DPH6: variants seen among roughly 807,000 people sequenced by gnomAD.
The protein encoded by DPH6 is diphthamine biosynthesis 6.
Under a neutral mutation model 38.2 loss-of-function variants are expected in DPH6, and 33 were observed. That is an observed-to-expected ratio of 0.86 (90% CI 0.65 to 1.15). DPH6 has a LOEUF of 1.15. Ranked by LOEUF, DPH6 falls within the 50% of genes most tolerant of loss-of-function variation. DPH6 has a pLI of 0.00. For missense variants in DPH6, 325 were observed against 320.0 expected (o/e 1.02, Z -0.12); for synonymous variants, 108 against 103.0 (o/e 1.05, Z -0.30).
chr15:35,178,397 G>T, the DPH6 span, among the ~76,000 whole-genome samples: 1 of 152,294 alleles, frequency 6.6e-6, no homozygotes, highest in African/African-American at 2.4e-5. Context: ...TGTCTTACAT[G>T]GCAGCAGGCA....
At chr15:35,441,497 C>T (rs887774747) in intron 5 of DPH6, among the ~76,000 whole-genome samples, 7 of 152,156 alleles carry the variant, frequency 4.6e-5, no homozygotes, top group Non-Finnish European at 7.4e-5. Flanking sequence ...AGGATGAGTT[C>T]GTCGCCTTTG....
At chr15:35,172,595 G>A in the DPH6 span, among the ~76,000 whole-genome samples, 11,012 of 152,170 alleles carry the variant, frequency 0.072, 576 homozygotes, top group East Asian at 0.3. Context: ...AGTCTGTGGC[G>A]CCATTCTTTT....
the DPH6 span, among the ~76,000 whole-genome samples, chr15:35,181,090 G>A: frequency 6.6e-6 from 1 of 152,082 alleles, no homozygotes; most frequent in South Asian, 2.1e-4. Context: ...CCACCAATTG[G>A]CTTTGAGCTC....
chr15:35,322,602 T>C (rs1471522517), intron 3 of DPH6, among the ~76,000 whole-genome samples: 1 of 152,222 alleles, frequency 6.6e-6, no homozygotes, highest in Non-Finnish European at 1.5e-5. Flanking sequence ...CTTTTTTCTT[T>C]GGAGTTGGAG....
At chr15:35,200,343 G>A in the DPH6 span, among the ~76,000 whole-genome samples, 1 of 152,060 alleles carries the variant, frequency 6.6e-6, no homozygotes, top group South Asian at 2.1e-4. Context: ...TGCATACTGT[G>A]TCTAGAGAAG....
At chr15:35,199,072 A>G in the DPH6 span, among the ~76,000 whole-genome samples, 1 of 152,130 alleles carries the variant, frequency 6.6e-6, no homozygotes, top group Non-Finnish European at 1.5e-5. Context: ...GGCGCCCGCC[A>G]CAATGCCCAG....
chr15:35,300,024 T>C (rs1487072648), intron 3 of DPH6, among the ~76,000 whole-genome samples: 1 of 152,170 alleles, frequency 6.6e-6, no homozygotes, highest in African/African-American at 2.4e-5. Context: ...CGATGGGCGC[T>C]TGTACTAGGA....
downstream of DPH6, among the ~76,000 whole-genome samples, chr15:35,328,466 T>C (rs1460785913): frequency 1.3e-5 from 2 of 152,170 alleles, no homozygotes; most frequent in Admixed American, 1.3e-4. Context: ...CTGTAATAAA[T>C]CCAGCAACTA....
At chr15:35,508,331 A>G (rs2141210640) in intron 3 of DPH6, among the ~76,000 whole-genome samples, 1 of 152,300 alleles carries the variant, frequency 6.6e-6, no homozygotes, top group South Asian at 2.1e-4. Flanking sequence ...GCAGAGGCAT[A>G]ATAAACATAT....
At chr15:35,313,257 A>T (rs1251102061) in intron 3 of DPH6, among the ~76,000 whole-genome samples, 6 of 149,002 alleles carry the variant, frequency 4.0e-5, no homozygotes, top group African/African-American at 1.0e-4. Flanking sequence ...TTTTTTTTTT[A>T]AATCAGGTAG....
At chr15:35,237,273 G>A (rs567732069) in intron 3 of DPH6, 16 of 1,494,412 alleles carry the variant, frequency 1.1e-5, no homozygotes, top group Non-Finnish European at 1.3e-5. Context: ...ACGCGCGGCC[G>A]TGTTATTGAT....
chr15:35,273,298 CT>C (rs1408888520), intron 3 of DPH6, among the ~76,000 whole-genome samples: 1 of 152,178 alleles, frequency 6.6e-6, no homozygotes, highest in Admixed American at 6.5e-5. Context: ...CCTTCACCCC[CT>C]TCTCACGCTT....
intron 3 of DPH6, among the ~76,000 whole-genome samples, chr15:35,498,619 T>C (rs2054586827): frequency 6.6e-6 from 1 of 152,128 alleles, no homozygotes. Context: ...GGAATGGGAA[T>C]AGACATATAA....
intron 3 of DPH6, among the ~76,000 whole-genome samples, chr15:35,247,453 C>T (rs2051644635): frequency 6.6e-6 from 1 of 152,160 alleles, no homozygotes; most frequent in African/African-American, 2.4e-5. Flanking sequence ...TCCTGGCCTG[C>T]CAGCTTTCAT....
chr15:35,534,956 CT>C (rs1251682659), intron 3 of DPH6, among the ~76,000 whole-genome samples: 13 of 152,174 alleles, frequency 8.5e-5, no homozygotes, highest in Non-Finnish European at 1.8e-4. Context: ...AGGCTTCATT[CT>C]ATTAGGACAA....
At chr15:35,503,206 T>C (rs1428754396) in intron 3 of DPH6, among the ~76,000 whole-genome samples, 1 of 152,006 alleles carries the variant, frequency 6.6e-6, no homozygotes, top group East Asian at 1.9e-4. Flanking sequence ...AAATATACTG[T>C]TACATACCTT....
chr15:35,410,809 T>C (rs2053356224), intron 6 of DPH6, 26 bp downstream of exon 6: 1 of 1,568,148 alleles, frequency 6.4e-7, no homozygotes, highest in Non-Finnish European at 8.6e-7. Context: ...GATGGCTACA[T>C]TTTGAGATCT....
At chr15:35,149,614 C>T in the DPH6 span, among the ~76,000 whole-genome samples, 2 of 152,224 alleles carry the variant, frequency 1.3e-5, no homozygotes, top group Non-Finnish European at 2.9e-5. Flanking sequence ...CTGCCATGCA[C>T]TCCTCAACCC....
In DPH6 at chr15:35,324,484, T is replaced by C. The variant is rs918555926; in HGVS notation, n.200+49037A>G. Reference sequence around the variant, plus strand: ...CTTCCTTCCACTGTGTCTTATAACATTGTTACTTAAGTTGTTCTCAGTCCT... The same window carrying C: ...CTTCCTTCCACTGTGTCTTATAACACTGTTACTTAAGTTGTTCTCAGTCCT... On this transcript the variant is annotated intron_variant and non_coding_transcript_variant, in intron 3 of 3. Transcript: ENST00000560386. 3.1e-4 allele frequency among the ~76,000 whole-genome samples: 47 copies of C among 151,822 alleles called. 1 individual carries two copies. The highest frequency in any genetic ancestry group is 1.2e-4 in the Non-Finnish European group (8 of 67,984).
Sources: gnomAD v4.1 joint callset for allele counts (sites outside exome capture counted in the v4.1 genomes callset) on GRCh38, gnomAD v4.1.1 for gene constraint, MANE v1.5 for transcripts, NCBI Gene and HGNC (gene_info 2026-07-23, HGNC 2026-07-21) for gene names.